Variants in MACROD2 observed in about 807,000 individuals in gnomAD.
MACROD2 encodes the protein mono-ADP ribosylhydrolase 2.
In MACROD2, 36 loss-of-function variants were observed where a neutral mutation model predicts 70.4. The observed-to-expected ratio is 0.51, with a 90% confidence interval of 0.39 to 0.68. The LOEUF (loss-of-function observed/expected upper bound fraction) is 0.68, where lower values mean the gene tolerates loss of function less well. MACROD2 is among the 30% of genes least tolerant of loss of function. The probability of loss-of-function intolerance (pLI) is 0.00; values close to 1 mark genes in which losing one functional copy is unlikely to be tolerated. For missense variants in MACROD2, 496 were observed against 538.4 expected, an observed-to-expected ratio of 0.92 and a Z score of 0.78; for synonymous variants, 172 against 178.8, an observed-to-expected ratio of 0.96 and a Z score of 0.30.
intron 4 of MACROD2, among the ~76,000 whole-genome samples, chr20:14,643,329 T>C (rs1985196982): frequency 6.6e-6 from 1 of 152,192 alleles, no homozygotes; most frequent in Non-Finnish European, 1.5e-5. Context: ...TGAGTGATGG[T>C]GGCAGCTGTT....
chr20:15,852,045 G>A (rs375736044), intron 8 of MACROD2, among the ~76,000 whole-genome samples: 83 of 152,324 alleles, frequency 5.4e-4, no homozygotes, highest in Non-Finnish European at 9.0e-4. Context: ...CATGCTTGCT[G>A]TGCTAGAATA....
At chr20:15,876,453 T>C (rs1327788250) in intron 9 of MACROD2, among the ~76,000 whole-genome samples, 1 of 152,168 alleles carries the variant, frequency 6.6e-6, no homozygotes, top group Non-Finnish European at 1.5e-5. Flanking sequence ...TCATCCTTTT[T>C]TATGGCTGCA....
intron 5 of MACROD2, among the ~76,000 whole-genome samples, chr20:15,194,327 G>A (rs933700116): frequency 1.4e-5 from 2 of 142,372 alleles, no homozygotes; most frequent in South Asian, 2.4e-4. Flanking sequence ...GAAAAGAATT[G>A]TATCAACCAT....
At chr20:14,461,630 A>G (rs1192453504) in intron 3 of MACROD2, among the ~76,000 whole-genome samples, 1 of 151,714 alleles carries the variant, frequency 6.6e-6, no homozygotes. Context: ...AGCATTAGGT[A>G]TATCTCCTAA....
intron 3 of MACROD2, among the ~76,000 whole-genome samples, chr20:14,423,526 C>T (rs965624622): frequency 6.6e-6 from 1 of 151,202 alleles, no homozygotes; most frequent in African/African-American, 2.4e-5. Flanking sequence ...GGTGAAACCC[C>T]GGCTTTACTA....
chr20:14,774,550 T>G (rs1320902014), intron 5 of MACROD2, among the ~76,000 whole-genome samples: 1 of 152,102 alleles, frequency 6.6e-6, no homozygotes, highest in Non-Finnish European at 1.5e-5. Context: ...GAATGTCTCC[T>G]TCTCAGTTAT....
intron 4 of MACROD2, among the ~76,000 whole-genome samples, chr20:14,507,480 A>G (rs894503513): frequency 6.6e-6 from 1 of 152,156 alleles, no homozygotes; most frequent in African/African-American, 2.4e-5. Context: ...GAATGTCTTT[A>G]ATGTTACTGA....
At chr20:14,158,753 G>T (rs985366162) in intron 3 of MACROD2, among the ~76,000 whole-genome samples, 1 of 152,052 alleles carries the variant, frequency 6.6e-6, no homozygotes. Flanking sequence ...TATCTATTTT[G>T]TTCCATTGAT....
chr20:15,475,308 T>C (rs1306621117), intron 7 of MACROD2, among the ~76,000 whole-genome samples: 2 of 152,178 alleles, frequency 1.3e-5, no homozygotes, highest in African/African-American at 4.8e-5. Flanking sequence ...ATCCCACCAC[T>C]ACAAGGTACC....
chr20:15,671,223 A>C (rs1232196082), intron 8 of MACROD2, among the ~76,000 whole-genome samples: 3 of 152,184 alleles, frequency 2.0e-5, no homozygotes, highest in Non-Finnish European at 4.4e-5. Context: ...AGACTTATTC[A>C]TGTGGTACCT....
At chr20:14,369,430 C>T (rs1237667825) in intron 3 of MACROD2, among the ~76,000 whole-genome samples, 2 of 152,214 alleles carry the variant, frequency 1.3e-5, no homozygotes, top group African/African-American at 2.4e-5. Flanking sequence ...ACAAACATCA[C>T]ATACTTTTCT....
intron 5 of MACROD2, among the ~76,000 whole-genome samples, chr20:14,992,737 C>T (rs1194014525): frequency 5.9e-5 from 9 of 152,128 alleles, no homozygotes; most frequent in Non-Finnish European, 1.3e-4. Flanking sequence ...AGACATGCAT[C>T]TAGTTTACAC....
intron 5 of MACROD2, among the ~76,000 whole-genome samples, chr20:15,125,669 C>T (rs915504063): frequency 8.6e-5 from 13 of 151,940 alleles, no homozygotes; most frequent in Admixed American, 6.6e-4. Flanking sequence ...CAGTAATAAC[C>T]GGTATTTTCT....
intron 8 of MACROD2, among the ~76,000 whole-genome samples, chr20:15,583,408 A>G (rs1234740374): frequency 6.6e-6 from 1 of 152,240 alleles, no homozygotes; most frequent in Non-Finnish European, 1.5e-5. Flanking sequence ...GCATCGTTGC[A>G]AGATTCATCA....
chr20:14,213,089 T>A (rs1315922146), intron 3 of MACROD2, among the ~76,000 whole-genome samples: 1 of 151,840 alleles, frequency 6.6e-6, no homozygotes, highest in African/African-American at 2.4e-5. Context: ...AACCACACAT[T>A]TAGTTTATGC....
At chr20:14,121,008 C>T (rs1420893342) in intron 3 of MACROD2, among the ~76,000 whole-genome samples, 1 of 151,830 alleles carries the variant, frequency 6.6e-6, no homozygotes, top group Non-Finnish European at 1.5e-5. Context: ...ACGTTCTGTA[C>T]AGGTACCATT....
intron 5 of MACROD2, among the ~76,000 whole-genome samples, chr20:15,133,017 C>A (rs2076118175): frequency 6.6e-6 from 1 of 151,984 alleles, no homozygotes; most frequent in Non-Finnish European, 1.5e-5. Context: ...AAACCTGTAT[C>A]CCTATCTTAA....
In MACROD2 at chr20:14,124,437, T is replaced by G. The variant is rs534943152; in HGVS notation, c.271+38709T>G. Among the ~76,000 whole-genome samples the G allele has an allele frequency of 3.9e-5, 6 of 152,324 alleles. 1 individual carries two copies. The South Asian group carries it at 1.2e-3, about 32-fold the overall frequency. On this transcript the variant is annotated intron_variant, in intron 3 of 17. Transcript: ENST00000684519. ...TTTAGCATTAGCTAAATTGACTAAT[T>G]AAAATAACCCTAGCCTTATTCCTCT...
intron 6 of MACROD2, among the ~76,000 whole-genome samples, chr20:15,252,755 G>T (rs982041051): frequency 2.0e-5 from 3 of 152,190 alleles, no homozygotes; most frequent in African/African-American, 7.2e-5. Flanking sequence ...CCACATTCCT[G>T]TGACCCAATT....
Sources: allele counts gnomAD v4.1 joint callset (sites outside exome capture counted in the v4.1 genomes callset), GRCh38; gene constraint gnomAD v4.1.1; transcripts MANE v1.5; gene names NCBI Gene and HGNC (gene_info 2026-07-23, HGNC 2026-07-21).